The following ADCY2 variants were observed in gnomAD, a reference collection of about 807,000 sequenced individuals.
ADCY2 encodes the protein adenylate cyclase 2.
A neutral mutation model predicts 125.2 loss-of-function variants in ADCY2; 31 were observed. The observed-to-expected ratio is 0.25, with a 90% CI of 0.19 to 0.33. ADCY2 has a LOEUF of 0.33. Among genes scored for constraint, ADCY2 ranks in the 10% least tolerant of loss-of-function variants. The pLI, the probability that ADCY2 is intolerant of heterozygous loss-of-function variation, is 1.00. For synonymous variants in ADCY2, 512 were observed against 548.4 expected (o/e 0.93, Z 0.93); for missense variants, 904 against 1,418.2 (o/e 0.64, Z 5.82).
At chr5:7,756,522 T>C (rs1742996134) in intron 15 of ADCY2, among the ~76,000 whole-genome samples, 1 of 152,186 alleles carries the variant, frequency 6.6e-6, no homozygotes, top group Non-Finnish European at 1.5e-5. Context: ...AATCTTGGCA[T>C]AATGCTACAA....
chr5:7,815,778 G>T (rs1177959446), intron 22 of ADCY2, among the ~76,000 whole-genome samples: 2 of 152,154 alleles, frequency 1.3e-5, no homozygotes, highest in Admixed American at 6.5e-5. Context: ...CAGCCCTCAA[G>T]GACGAGTAAA....
chr5:7,517,677 A>G (rs772002930), intron 2 of ADCY2, among the ~76,000 whole-genome samples: 1 of 152,222 alleles, frequency 6.6e-6, no homozygotes, highest in Non-Finnish European at 1.5e-5. Context: ...CTCATAATGA[A>G]TACTTAACAG....
At chr5:7,739,949 T>G (rs1742362749) in intron 14 of ADCY2, among the ~76,000 whole-genome samples, 1 of 151,990 alleles carries the variant, frequency 6.6e-6, no homozygotes, top group Non-Finnish European at 1.5e-5. Flanking sequence ...ATACCCAGAT[T>G]ATTTGTGTGT....
At chr5:7,741,633 C>G (rs994002308) in intron 14 of ADCY2, among the ~76,000 whole-genome samples, 23 of 3,776 alleles carry the variant, frequency 6.1e-3, no homozygotes, top group Middle Eastern at 0.12. Flanking sequence ...TTATCACCAT[C>G]ATCATCACCA....
intron 2 of ADCY2, among the ~76,000 whole-genome samples, chr5:7,474,507 GAAGC>G (rs1214331364): frequency 1.3e-5 from 2 of 152,222 alleles, no homozygotes; most frequent in Non-Finnish European, 2.9e-5. Context: ...AGGCTGAAAA[GAAGC>G]AAGCCTTAAG....
chr5:7,623,639 A>G (rs1738028823), intron 3 of ADCY2, among the ~76,000 whole-genome samples: 1 of 152,172 alleles, frequency 6.6e-6, no homozygotes, highest in African/African-American at 2.4e-5. Flanking sequence ...GTATGGCAAT[A>G]AGAAGGAAGA....
At chr5:7,757,691 C>T in intron 16 of ADCY2, 105 bp downstream of exon 16, 1 of 1,481,990 alleles carries the variant, frequency 6.7e-7, no homozygotes, top group African/African-American at 1.4e-5. Context: ...TGGTAAGCCC[C>T]ACACCATAGC....
At chr5:7,505,546 A>G (rs187328211) in intron 2 of ADCY2, among the ~76,000 whole-genome samples, 1 of 152,344 alleles carries the variant, frequency 6.6e-6, no homozygotes, top group East Asian at 1.9e-4. Context: ...GTGCAGGAAG[A>G]TGTTATGTAA....
intron 1 of ADCY2, among the ~76,000 whole-genome samples, chr5:7,408,842 A>G (rs1739602798): frequency 6.6e-6 from 1 of 152,212 alleles, no homozygotes; most frequent in Non-Finnish European, 1.5e-5. Context: ...AGACCTAAAC[A>G]CAGAAATACC....
At chr5:7,816,600 C>T (rs553157241) in intron 22 of ADCY2, among the ~76,000 whole-genome samples, 5 of 152,300 alleles carry the variant, frequency 3.3e-5, no homozygotes, top group Non-Finnish European at 5.9e-5. Context: ...ACAGGTTCCC[C>T]GTGGTCAGCC....
At chr5:7,725,291 T>C (rs1560908939) in intron 13 of ADCY2, among the ~76,000 whole-genome samples, 1 of 152,192 alleles carries the variant, frequency 6.6e-6, no homozygotes, top group Non-Finnish European at 1.5e-5. Context: ...GTAATTTGCA[T>C]CATCCAACTA....
chr5:7,694,585 A>G (rs1235667433), intron 5 of ADCY2, among the ~76,000 whole-genome samples: 1 of 152,166 alleles, frequency 6.6e-6, no homozygotes, highest in African/African-American at 2.4e-5. Context: ...GGTTTTCGGG[A>G]GTTTCAGCAC....
chr5:7,678,304 A>G (rs760072626), intron 4 of ADCY2, among the ~76,000 whole-genome samples: 6 of 152,184 alleles, frequency 3.9e-5, no homozygotes, highest in Admixed American at 6.5e-5. Context: ...CCACAGGAGT[A>G]GCGTTCAACG....
chr5:7,701,545 A>G (rs1194213250), intron 7 of ADCY2, among the ~76,000 whole-genome samples: 1 of 152,220 alleles, frequency 6.6e-6, no homozygotes, highest in East Asian at 1.9e-4. Context: ...ATGTGCAGTG[A>G]TGTTGAGTAA....
chr5:7,513,092 C>CACAG (rs1330451294), intron 2 of ADCY2, among the ~76,000 whole-genome samples: 1 of 141,912 alleles, frequency 7.0e-6, no homozygotes, highest in Non-Finnish European at 1.6e-5. Flanking sequence ...CACACACACA[C>CACAG]ACACACACAC....
intron 2 of ADCY2, among the ~76,000 whole-genome samples, chr5:7,418,714 C>T (rs1303413940): frequency 1.6e-5 from 2 of 124,640 alleles, no homozygotes; most frequent in African/African-American, 6.3e-5. Flanking sequence ...GGAGTGCAGT[C>T]GTGCGATCTC....
intron 3 of ADCY2, among the ~76,000 whole-genome samples, chr5:7,577,437 A>T (rs1173863433): frequency 1.3e-5 from 2 of 152,202 alleles, no homozygotes; most frequent in Non-Finnish European, 2.9e-5. Context: ...TGGGATTTTG[A>T]TACTCATATA....
At chr5:7,701,960 C>T (rs887773163) in intron 7 of ADCY2, among the ~76,000 whole-genome samples, 1 of 152,054 alleles carries the variant, frequency 6.6e-6, no homozygotes, top group Admixed American at 6.6e-5. Context: ...GGACCTCTCC[C>T]AATTCTTGCT....
chr5:7,505,737 A>G (rs745449957), intron 2 of ADCY2, among the ~76,000 whole-genome samples: 17 of 152,228 alleles, frequency 1.1e-4, no homozygotes, highest in Non-Finnish European at 1.8e-4. Context: ...CTGCTCCACT[A>G]GATGCTGATT....
Sources: allele counts gnomAD v4.1 joint callset (sites outside exome capture counted in the v4.1 genomes callset), GRCh38; gene constraint gnomAD v4.1.1; transcripts MANE v1.5; gene names NCBI Gene and HGNC (gene_info 2026-07-23, HGNC 2026-07-21).